PDE8B: variants seen among roughly 807,000 people sequenced by gnomAD.
PDE8B encodes phosphodiesterase 8B, also known as high affinity cAMP-specific and IBMX-insensitive 3',5'-cyclic phosphodiesterase 8B.
Under a neutral mutation model 101.3 loss-of-function variants are expected in PDE8B, and 26 were observed. The observed-to-expected ratio is 0.26, with a 90% CI of 0.19 to 0.36. The LOEUF (loss-of-function observed/expected upper bound fraction) is 0.36, where lower values mean the gene tolerates loss of function less well. PDE8B is among the 10% of genes least tolerant of loss of function. PDE8B has a pLI of 1.00. For synonymous variants in PDE8B, 424 were observed against 429.3 expected (o/e 0.99, Z 0.15); for missense variants, 810 against 1,163.1 (o/e 0.70, Z 4.42).
chr5:77,364,266 T>C (rs1335619635), intron 10 of PDE8B, among the ~76,000 whole-genome samples: 1 of 152,152 alleles, frequency 6.6e-6, no homozygotes, highest in Admixed American at 6.5e-5. Context: ...ACTTTGGAGG[T>C]ATGCAGCCAA....
At chr5:77,404,994 C>T (rs1195986594) in intron 12 of PDE8B, among the ~76,000 whole-genome samples, 197 bp downstream of exon 12, 3 of 151,736 alleles carry the variant, frequency 2.0e-5, no homozygotes, top group African/African-American at 2.4e-5. Flanking sequence ...TAGTCTTTGT[C>T]GTCTCTTTGG....
At chr5:77,395,026 T>C (rs1359483749) in intron 10 of PDE8B, among the ~76,000 whole-genome samples, 1 of 152,146 alleles carries the variant, frequency 6.6e-6, no homozygotes, top group Non-Finnish European at 1.5e-5. Context: ...GTTCCTGTAA[T>C]GTTGGGGGAA....
At chr5:77,185,332 T>C in the PDE8B span, among the ~76,000 whole-genome samples, 1 of 152,150 alleles carries the variant, frequency 6.6e-6, no homozygotes, top group Non-Finnish European at 1.5e-5. Context: ...ATCAGCAGCA[T>C]TGGTTAATTC....
At chr5:77,140,095 G>T in the PDE8B span, 1 of 151,962 alleles carries the variant, frequency 6.6e-6, no homozygotes, top group African/African-American at 2.4e-5. Context: ...TGCTTCTGAT[G>T]GCATCCTACC....
chr5:77,180,151 C>T, the PDE8B span, among the ~76,000 whole-genome samples: 2 of 152,180 alleles, frequency 1.3e-5, no homozygotes, highest in East Asian at 1.9e-4. Context: ...CTGGACTTCC[C>T]TCGAGGGGCC....
the PDE8B span, among the ~76,000 whole-genome samples, chr5:77,149,133 C>T: frequency 1.3e-5 from 2 of 152,108 alleles, no homozygotes; most frequent in Non-Finnish European, 2.9e-5. Flanking sequence ...CTATCCTTTC[C>T]CCATTGATTT....
Position 77,419,879 on chromosome 5 carries a change from G to C in PDE8B, c.2242G>C (p.Ala748Pro), listed in dbSNP as rs372198477. ...KFVNSINKPMAAEIEGSDCEC... is the reference protein window; with the variant it reads ...KFVNSINKPMPAEIEGSDCEC... The stretch of plus-strand genomic sequence containing the variant: ...TGTGAACAGCATCAACAAGCCAATG[G>C]CAGCTGAGGTGAGTACTGCTTTCCA... The change falls in exon 19 of 22, where the codon GCA (alanine) becomes CCA (proline). Residue 748 changes from alanine (A) to proline (P), a missense_variant. Physicochemically the swap from Ala to Pro is conservative, Grantham distance 27. This residue lies in a region of PDE8B where 325 missense variants were observed against 560.9 expected (regional missense o/e 0.58). Transcript: ENST00000264917. The C allele has an allele frequency of 6.2e-6, 10 of 1,614,046 alleles. No homozygotes were observed. The highest frequency in any genetic ancestry group is 7.6e-6 in the Non-Finnish European group (9 of 1,179,930).
the PDE8B span, among the ~76,000 whole-genome samples, chr5:77,158,233 G>A: frequency 6.6e-6 from 1 of 152,186 alleles, no homozygotes; most frequent in Non-Finnish European, 1.5e-5. Flanking sequence ...GGAAGACAAC[G>A]TGTGGGGAGA....
chr5:77,176,712 G>A, the PDE8B span, among the ~76,000 whole-genome samples: 1 of 152,204 alleles, frequency 6.6e-6, no homozygotes. Context: ...GGAGAGCAAG[G>A]GAGAAGAAGG....
intron 1 of PDE8B, among the ~76,000 whole-genome samples, chr5:77,241,036 G>A (rs2149544680): frequency 6.6e-6 from 1 of 152,324 alleles, no homozygotes; most frequent in African/African-American, 2.4e-5. Flanking sequence ...GAAAAAGTGA[G>A]ACAGTTGCAA....
At chr5:77,301,632 A>G (rs1769964315) in intron 1 of PDE8B, among the ~76,000 whole-genome samples, 1 of 152,208 alleles carries the variant, frequency 6.6e-6, no homozygotes. Context: ...GTCTATTATC[A>G]GTGGTATCTC....
the PDE8B span, among the ~76,000 whole-genome samples, chr5:77,184,464 G>A: frequency 0.037 from 5,673 of 152,194 alleles, 243 homozygotes; most frequent in African/African-American, 0.1. Context: ...AACCGTAAGG[G>A]TCTGCAAATA....
At chr5:77,296,271 T>C (rs570872096) in intron 1 of PDE8B, among the ~76,000 whole-genome samples, 1 of 151,458 alleles carries the variant, frequency 6.6e-6, no homozygotes, top group Admixed American at 6.6e-5. Context: ...TCTTCTTCTT[T>C]CTTCTTTCTT....
chr5:77,401,532 G>A (rs1307335915), intron 11 of PDE8B, among the ~76,000 whole-genome samples: 1 of 152,146 alleles, frequency 6.6e-6, no homozygotes, highest in African/African-American at 2.4e-5. Context: ...ATCTCTCCAT[G>A]CTTAAATTTC....
the PDE8B span, among the ~76,000 whole-genome samples, chr5:77,122,704 G>A: frequency 4.6e-5 from 7 of 152,112 alleles, no homozygotes; most frequent in African/African-American, 1.4e-4. Context: ...CCAACAGGTC[G>A]TTCTACCTGA....
intron 16 of PDE8B, among the ~76,000 whole-genome samples, 160 bp downstream of exon 16, chr5:77,412,395 T>C (rs1390329724): frequency 6.6e-6 from 1 of 152,172 alleles, no homozygotes; most frequent in Non-Finnish European, 1.5e-5. Flanking sequence ...AGAGAGACTA[T>C]GGCCCCTGAG....
the PDE8B span, among the ~76,000 whole-genome samples, chr5:77,131,675 G>A: frequency 6.6e-6 from 1 of 152,138 alleles, no homozygotes. Context: ...AAAAATTTAT[G>A]ATATGAATTG....
Position 77,351,053 on chromosome 5 carries a change from T to C in PDE8B, c.1018-12T>C, listed in dbSNP as rs2150448609. 1 of 1,606,192 alleles carries C rather than the reference T, an allele frequency of 6.2e-7. No homozygotes were observed. The highest frequency in any genetic ancestry group is 8.5e-7 in the Non-Finnish European group (1 of 1,172,804). ...GACTGAAGGATTTTAAGAGCTCTCT[T>C]TGTCCATGTAGGAGTGGCAGGGGGT... is the stretch of plus-strand genomic sequence containing the variant. On this transcript the variant is annotated splice_polypyrimidine_tract_variant and intron_variant, in intron 8 of 21. Coordinates refer to ENST00000264917, the MANE Select transcript of PDE8B (RefSeq NM_003719.5).
At chr5:77,267,730 C>G (rs1385871607) in intron 1 of PDE8B, among the ~76,000 whole-genome samples, 1 of 152,172 alleles carries the variant, frequency 6.6e-6, no homozygotes, top group Non-Finnish European at 1.5e-5. Context: ...CTTCAGTCAT[C>G]ATGTTGACCC....
Sources: gnomAD v4.1 joint callset for allele counts (sites outside exome capture counted in the v4.1 genomes callset) on GRCh38, gnomAD v4.1.1 for gene constraint, gnomAD v4.1.1 regional missense constraint, MANE v1.5 for transcripts, NCBI Gene and HGNC (gene_info 2026-07-23, HGNC 2026-07-21) for gene names.